Variants in UPF1 observed in about 807,000 individuals in gnomAD.
UPF1 encodes UPF1 RNA helicase and ATPase.
A neutral mutation model predicts 129.2 loss-of-function variants in UPF1; 9 were observed. The ratio of observed to expected loss-of-function variants is 0.07; its 90% CI spans 0.04 to 0.12. UPF1 has a LOEUF of 0.12. UPF1 is among the 10% of genes least tolerant of loss of function. The pLI, the probability that UPF1 is intolerant of heterozygous loss-of-function variation, is 1.00. For missense variants in UPF1, 788 were observed against 1,525.3 expected, an observed-to-expected ratio of 0.52 and a Z score of 8.05; for synonymous variants, 649 against 644.9, an observed-to-expected ratio of 1.01 and a Z score of -0.10.
At chr19:18,842,781 C>T (rs1307083907) in intron 1 of UPF1, among the ~76,000 whole-genome samples, 2 of 151,884 alleles carry the variant, frequency 1.3e-5, no homozygotes, top group African/African-American at 4.8e-5. Context: ...GGGTGGATCA[C>T]CTGAGGTTGG....
intron 1 of UPF1, among the ~76,000 whole-genome samples, chr19:18,837,934 C>T (rs2055500856): frequency 6.6e-6 from 1 of 152,252 alleles, no homozygotes; most frequent in Non-Finnish European, 1.5e-5. Context: ...CCAGCCCTCA[C>T]TCTCCTCCTG....
chr19:18,860,760 G>A (rs908557726), intron 16 of UPF1, 66 bp from the exon 17 acceptor site: 44 of 1,592,770 alleles, frequency 2.8e-5, no homozygotes, highest in Middle Eastern at 4.2e-4. Flanking sequence ...CACCCCTCAC[G>A]GCCTCCAGCC....
At chr19:18,861,602 G>T (rs1391585265) in intron 17 of UPF1, among the ~76,000 whole-genome samples, 1 of 152,216 alleles carries the variant, frequency 6.6e-6, no homozygotes, top group Admixed American at 6.5e-5. Flanking sequence ...GGAGGCTGAG[G>T]CAGGGAAGTC....
intron 18 of UPF1, 148 bp from the exon 19 acceptor site, chr19:18,863,290 C>CCGA: frequency 9.5e-7 from 1 of 1,049,726 alleles, no homozygotes; most frequent in South Asian, 1.6e-5. Flanking sequence ...TGGGGCCTGT[C>CCGA]CCTGTGGCTG....
chr19:18,845,957 G>A (rs369625093), intron 1 of UPF1, 23 bp from the exon 2 acceptor site: 41 of 1,612,678 alleles, frequency 2.5e-5, no homozygotes, highest in Non-Finnish European at 3.2e-5. Context: ...GCCTCACTCA[G>A]GTGACACTGC....
At chr19:18,848,988 T>C (rs1446081658) in intron 3 of UPF1, 1 of 152,186 alleles carries the variant, frequency 6.6e-6, no homozygotes, top group African/African-American at 2.4e-5. Flanking sequence ...ACAACAGGCT[T>C]GAGCCAAGCA....
chr19:18,842,912 G>T (rs945708732), intron 1 of UPF1, among the ~76,000 whole-genome samples: 2 of 151,924 alleles, frequency 1.3e-5, no homozygotes, highest in African/African-American at 2.4e-5. Flanking sequence ...GCTTGAACCC[G>T]GGAGGCAGAG....
At chr19:18,835,788 A>G (rs992218441) in intron 1 of UPF1, among the ~76,000 whole-genome samples, 1 of 152,170 alleles carries the variant, frequency 6.6e-6, no homozygotes, top group African/African-American at 2.4e-5. Flanking sequence ...TGCTGTGGCC[A>G]TGAGTGTACA....
chr19:18,865,150 C>A lies in UPF1; in HGVS notation c.2858-139C>A, dbSNP rs2055827891. The A allele has an allele frequency of 1.8e-6, 2 of 1,108,372 alleles. No individual in the cohort carries two copies. Among genetic ancestry groups the A allele is most frequent in the South Asian group, 3.3e-5 (2 of 61,318 alleles). The allele number at this position is 1,108,372 out of a possible 1,614,324, so 68.7% of individuals were successfully genotyped here. A position where few individuals can be genotyped will look rare whatever the true frequency, so the allele number is the denominator to read the frequency against. On this transcript the variant is annotated intron_variant, in intron 20 of 23. Transcript: ENST00000262803. This position sits in a 1 kb window ranked among gnomAD's most constrained non-coding sequence, Gnocchi z 6.1. ...CAGGCTGCTGTAGTTAACATGGAGT[C>A]CTGCGAATCCGCATCTTCAGCCTGG...
Position 18,868,167 on chromosome 19 carries a change from CT to C in UPF1, c.*1654del. ...GGCGCACTGTACCAAGGCAATGTAA[CT>C]TTTGATTTTCGGTCAATTTAAGTTC... On this transcript the variant is annotated 3_prime_UTR_variant, in exon 24 of 24. Coordinates refer to ENST00000262803, the MANE Select transcript of UPF1 (RefSeq NM_002911.4). 4.2e-6 allele frequency: 1 copy of C among 235,848 alleles called. No individual in the cohort carries two copies. Among genetic ancestry groups the C allele is most frequent in the Non-Finnish European group, 8.5e-6 (1 of 117,176 alleles). 14.6% of individuals were successfully genotyped at this position (235,848 alleles called of 1,614,324 possible).
chr19:18,834,313 A>T (rs1410133175), intron 1 of UPF1, among the ~76,000 whole-genome samples: 2 of 152,212 alleles, frequency 1.3e-5, no homozygotes, highest in African/African-American at 2.4e-5. Context: ...GTGAAAGGTA[A>T]TCATTTTCTT....
Position 18,832,596 on chromosome 19 carries a change from C to T in UPF1, c.231+156C>T, listed in dbSNP as rs1285566602. 6.6e-6 allele frequency among the ~76,000 whole-genome samples: 1 copy of T among 152,152 alleles called. No individual in the cohort carries two copies. Among genetic ancestry groups the T allele is most frequent in the Admixed American group, 6.5e-5 (1 of 15,290 alleles). On this transcript the variant is annotated intron_variant, in intron 1 of 23. Transcript: ENST00000262803. The surrounding 1 kb of genome is among the most constrained non-coding windows in gnomAD (Gnocchi z 5.6). ...CCCGGGTCCCCTACTCTGGCTCGGC[C>T]TGAGCTTACCTGCCCCAGGTCCTGC...
chr19:18,860,550 TCCTGTTTAG>T (rs906919042), intron 16 of UPF1, 112 bp downstream of exon 16: 10 of 1,129,204 alleles, frequency 8.9e-6, no homozygotes, highest in Admixed American at 7.7e-5. Flanking sequence ...TGCCTTCATT[TCCTGTTTAG>T]CCTGTTTAGA....
intron 23 of UPF1, 84 bp from the exon 24 acceptor site, chr19:18,866,437 C>T (rs2055845414): frequency 2.3e-6 from 1 of 442,664 alleles, no homozygotes; most frequent in Non-Finnish European, 4.0e-6. Flanking sequence ...AGCTCGGGCT[C>T]TCCCTCACTG....
rs1448143662 is a variant in UPF1 at position 18,832,072 on chromosome 19, C to T, written c.-138C>T. 1.4e-5 allele frequency: 11 copies of T among 780,072 alleles called. No individual in the cohort carries two copies. In the African/African-American group the frequency reaches 1.9e-4, roughly 13 times the overall value. The allele number at this position is 780,072 out of a possible 1,614,324, so 48.3% of individuals were successfully genotyped here. ...TGTTACCTCTCGGTCCGGCTGGCGC[C>T]GGGGCGCGCGGTTTGGTCCTTTCCG... On this transcript the variant is annotated 5_prime_UTR_variant, in exon 1 of 24. Transcript: ENST00000262803. This position sits in a 1 kb window ranked among gnomAD's most constrained non-coding sequence, Gnocchi z 5.6.
intron 16 of UPF1, 64 bp downstream of exon 16, chr19:18,860,502 C>T: frequency 6.6e-7 from 1 of 1,519,186 alleles, no homozygotes; most frequent in East Asian, 2.3e-5. Context: ...GTTGTTGACC[C>T]ATTCTACTTA....
At chr19:18,845,237 G>A (rs549162591) in intron 1 of UPF1, among the ~76,000 whole-genome samples, 2 of 152,360 alleles carry the variant, frequency 1.3e-5, no homozygotes, top group East Asian at 3.9e-4. Context: ...TGACCCCGTG[G>A]TGGGGTTAGG....
At position 18,865,739 on chromosome 19, in the gene UPF1, G is replaced by C. The variant is rs1427492848; in HGVS notation, c.3198G>C (p.Gln1066His). ...QGYISMSQPS[Q>H]MSQPGLSQPE... is the part of the protein sequence containing the mutation. ...ACATCTCCATGAGCCAGCCTTCCCA[G>C]ATGAGCCAGCCCGGCCTCTCCCAGC... is the stretch of plus-strand genomic sequence containing the variant. The change falls in exon 22 of 24, where the codon CAG becomes CAC. Residue 1066 changes from glutamine to histidine, a missense_variant. Gln to His is a conservative substitution (Grantham distance 24). Coordinates refer to ENST00000262803, the MANE Select transcript of UPF1 (RefSeq NM_002911.4). This position sits in a 1 kb window ranked among gnomAD's most constrained non-coding sequence, Gnocchi z 6.1. The C allele has an allele frequency of 2.5e-6, 4 of 1,613,120 alleles. No individual in the cohort carries two copies. In the African/African-American group the frequency reaches 4.0e-5, roughly 16 times the overall value.
chr19:18,842,911 C>T (rs146483125), intron 1 of UPF1, among the ~76,000 whole-genome samples: 3,209 of 151,686 alleles, frequency 0.021, 49 homozygotes, highest in Middle Eastern at 0.054. Context: ...CGCTTGAACC[C>T]GGGAGGCAGA....
Sources: allele counts gnomAD v4.1 joint callset (sites outside exome capture counted in the v4.1 genomes callset), GRCh38; gene constraint gnomAD v4.1.1; non-coding constraint Gnocchi (gnomAD v3.1); transcripts MANE v1.5; gene names NCBI Gene and HGNC (gene_info 2026-07-23, HGNC 2026-07-21).